GSDME: variants seen among roughly 807,000 people sequenced by gnomAD.
GSDME encodes gasdermin E.
GSDME carries 44 observed loss-of-function variants against 47.5 expected under a neutral mutation model. That is an observed-to-expected ratio of 0.93 (90% CI 0.73 to 1.19). GSDME has a LOEUF of 1.19. Among genes scored for constraint, GSDME ranks in the 50% most tolerant of loss-of-function variants. GSDME has a pLI of 0.00. For synonymous variants in GSDME, 258 were observed against 252.8 expected (o/e 1.02, Z -0.20); for missense variants, 663 against 604.2 (o/e 1.10, Z -1.02).
At chr7:24,707,161 TCTAA>T in intron 7 of GSDME, 1 of 372,010 alleles carries the variant, frequency 2.7e-6, no homozygotes, top group South Asian at 2.1e-5. Flanking sequence ...TTCGGCACAA[TCTAA>T]TTTCAAGAGA....
the GSDME span, among the ~76,000 whole-genome samples, chr7:24,767,289 A>T: frequency 6.6e-6 from 1 of 152,152 alleles, no homozygotes; most frequent in Non-Finnish European, 1.5e-5. This position sits in a 1 kb window ranked among gnomAD's most constrained non-coding sequence, Gnocchi z 5.3. Context: ...GCACCACTGC[A>T]CTCCGGCCTG....
At position 24,716,841 on chromosome 7, in the gene GSDME, T is replaced by C. The variant is rs1424248955; in HGVS notation, c.697+413A>G. 2 of 284,648 alleles carry C rather than the reference T, an allele frequency of 7.0e-6. No homozygotes were observed. The highest frequency in any genetic ancestry group is 2.2e-5 in the African/African-American group (1 of 46,312). 17.6% of individuals were successfully genotyped at this position (284,648 alleles called of 1,614,324 possible). ...ATCTTCACACAGCCCTGTGAAGAAATGCCCTTCACCTTCCAGAGACAGGGA... is the reference window on the plus strand; with the variant it reads ...ATCTTCACACAGCCCTGTGAAGAAACGCCCTTCACCTTCCAGAGACAGGGA... On this transcript the variant is annotated intron_variant, in intron 5 of 9. Transcript: ENST00000645220. The surrounding 1 kb of genome is among the most constrained non-coding windows in gnomAD (Gnocchi z 4.5).
the GSDME span, among the ~76,000 whole-genome samples, chr7:24,779,842 C>T: frequency 7.2e-5 from 11 of 152,318 alleles, no homozygotes; most frequent in African/African-American, 2.6e-4. The surrounding 1 kb of genome is among the most constrained non-coding windows in gnomAD (Gnocchi z 6.0). Context: ...AAAGGAGATG[C>T]TTCTCTCTTC....
rs1200727986 is a variant in GSDME at position 24,705,566 on chromosome 7, G to C, written c.1183+618C>G. ...TTCCTCGTGACAGGCACTGTGGCAT[G>C]GCGAGTTCCGGATGGGAGGGGTACA... On this transcript the variant is annotated intron_variant, in intron 8 of 9. Transcript: ENST00000645220. This position sits in a 1 kb window ranked among gnomAD's most constrained non-coding sequence, Gnocchi z 4.1. 1 of 159,126 alleles carries C rather than the reference G, an allele frequency of 6.3e-6. No individual in the cohort carries two copies. Among genetic ancestry groups the C allele is most frequent in the Non-Finnish European group, 1.4e-5 (1 of 72,102 alleles). 9.9% of individuals were successfully genotyped at this position (159,126 alleles called of 1,614,324 possible).
At chr7:24,761,591 G>A (rs1791166717), upstream of GSDME, among the ~76,000 whole-genome samples, 1 of 152,156 alleles carries the variant, frequency 6.6e-6, no homozygotes, top group South Asian at 2.1e-4. The surrounding 1 kb of genome is among the most constrained non-coding windows in gnomAD (Gnocchi z 4.4). Context: ...TCAACATATG[G>A]CTTTGGGGGA....
rs1192144583 is a variant in GSDME at position 24,732,073 on chromosome 7, G to A, written c.404+12489C>T. On this transcript the variant is annotated intron_variant, in intron 3 of 9. Coordinates refer to ENST00000645220, the MANE Select transcript of GSDME (RefSeq NM_001127453.2). This position sits in a 1 kb window ranked among gnomAD's most constrained non-coding sequence, Gnocchi z 4.8. Reference sequence around the variant, plus strand: ...TGACCAGTTACACCTGCCCTGGAAGGAGAAACACAGCAAAAAGAGAATCAG... The same window carrying A: ...TGACCAGTTACACCTGCCCTGGAAGAAGAAACACAGCAAAAAGAGAATCAG... Among the ~76,000 whole-genome samples, 1 of 152,176 alleles carries A rather than the reference G, an allele frequency of 6.6e-6. No homozygotes were observed. The highest frequency in any genetic ancestry group is 6.5e-5 in the Admixed American group (1 of 15,278).
chr7:24,713,070 A>G (rs1377129152), intron 5 of GSDME, among the ~76,000 whole-genome samples: 1 of 152,090 alleles, frequency 6.6e-6, no homozygotes, highest in Non-Finnish European at 1.5e-5. Context: ...GCAGTTTTAC[A>G]TGACATGGAA....
At chr7:24,727,467 A>C (rs1460050357) in intron 3 of GSDME, among the ~76,000 whole-genome samples, 1 of 152,080 alleles carries the variant, frequency 6.6e-6, no homozygotes, top group Non-Finnish European at 1.5e-5. Context: ...AATATTAAGC[A>C]AGAATTACTA....
chr7:24,716,423 ATATAAC>A lies in GSDME; in HGVS notation c.697+825_697+830del, dbSNP rs1281364177. Reference sequence around the variant, plus strand: ...AAGATAGGATGACTCATTTTTATAAATATAACTATAATACCATTGTCACACCTAAAA... The same window carrying A: ...AAGATAGGATGACTCATTTTTATAAATATAATACCATTGTCACACCTAAAA... On this transcript the variant is annotated intron_variant, in intron 5 of 9. Coordinates refer to ENST00000645220, the MANE Select transcript of GSDME (RefSeq NM_001127453.2). This position sits in a 1 kb window ranked among gnomAD's most constrained non-coding sequence, Gnocchi z 4.5. 2 of 152,252 alleles carry A rather than the reference ATATAAC, an allele frequency of 1.3e-5. No individual in the cohort carries two copies. Among genetic ancestry groups the A allele is most frequent in the Admixed American group, 6.5e-5 (1 of 15,282 alleles). The allele number at this position is 152,252 out of a possible 1,614,324, so 9.4% of individuals were successfully genotyped here.
chr7:24,754,042 A>T lies in GSDME; in HGVS notation c.-20+3354T>A, dbSNP rs1417791180. 6.6e-6 allele frequency among the ~76,000 whole-genome samples: 1 copy of T among 152,242 alleles called. No homozygotes were observed. Among genetic ancestry groups the T allele is most frequent in the African/African-American group, 2.4e-5 (1 of 41,462 alleles). On this transcript the variant is annotated intron_variant, in intron 1 of 9. Transcript: ENST00000645220. This position sits in a 1 kb window ranked among gnomAD's most constrained non-coding sequence, Gnocchi z 5.0. Reference sequence around the variant, plus strand: ...CACAGTCATGTCTCAGCCAAAAGTCAGACTCTGGATTAACATTTTCACAAT... The same window carrying T: ...CACAGTCATGTCTCAGCCAAAAGTCTGACTCTGGATTAACATTTTCACAAT...
intron 2 of GSDME, among the ~76,000 whole-genome samples, chr7:24,747,100 A>G (rs1161792074): frequency 6.6e-6 from 1 of 152,250 alleles, no homozygotes; most frequent in Non-Finnish European, 1.5e-5. Context: ...ACACCACAAA[A>G]GAGGCATTTC....
At chr7:24,793,522 C>A in the GSDME span, among the ~76,000 whole-genome samples, 1 of 152,192 alleles carries the variant, frequency 6.6e-6, no homozygotes, top group African/African-American at 2.4e-5. Flanking sequence ...TTCTTACACA[C>A]TTTGCATATA....
chr7:24,729,608 T>G (rs1400499127), intron 3 of GSDME, among the ~76,000 whole-genome samples: 1 of 152,230 alleles, frequency 6.6e-6, no homozygotes, highest in African/African-American at 2.4e-5. Context: ...TGAGTCTGTG[T>G]GTGTCCTTCA....
rs998186039 is a variant in GSDME at position 24,728,716 on chromosome 7, G to A, written c.405-9498C>T. On this transcript the variant is annotated intron_variant, in intron 3 of 9. Coordinates refer to ENST00000645220, the MANE Select transcript of GSDME (RefSeq NM_001127453.2). The surrounding 1 kb of genome is among the most constrained non-coding windows in gnomAD (Gnocchi z 7.2). ...AAAGCAGCCGCCCACTGTCTCCCCC[G>A]CAGGTACTAGCAGTCCCCATTTCAA... 6.6e-5 allele frequency among the ~76,000 whole-genome samples: 10 copies of A among 152,126 alleles called. No homozygotes were observed. Among genetic ancestry groups the A allele is most frequent in the Admixed American group, 5.2e-4 (8 of 15,264 alleles).
rs554100319 is a variant in GSDME at position 24,713,453 on chromosome 7, C to A, written c.698-3065G>T. Among the ~76,000 whole-genome samples, 4 of 152,344 alleles carry A rather than the reference C, an allele frequency of 2.6e-5. No individual in the cohort carries two copies. The South Asian group carries it at 8.3e-4, about 32-fold the overall frequency. On this transcript the variant is annotated intron_variant, in intron 5 of 9. Coordinates refer to ENST00000645220, the MANE Select transcript of GSDME (RefSeq NM_001127453.2). ...TTCACTTTAAAATATCTTAGGACTG[C>A]ATGTCCTGAACCCCGTCACAGGGAA...
the GSDME span, among the ~76,000 whole-genome samples, chr7:24,788,112 A>G: frequency 3.9e-5 from 6 of 152,334 alleles, no homozygotes; most frequent in African/African-American, 1.4e-4. This position sits in a 1 kb window ranked among gnomAD's most constrained non-coding sequence, Gnocchi z 4.6. Context: ...ATGCGTATCT[A>G]CTTACTGAAA....
chr7:24,709,812 G>A (rs1374126629), intron 6 of GSDME, among the ~76,000 whole-genome samples: 3 of 152,156 alleles, frequency 2.0e-5, no homozygotes, highest in Non-Finnish European at 2.9e-5. Flanking sequence ...GGCTGACAAA[G>A]CATTGCTTGT....
intron 3 of GSDME, among the ~76,000 whole-genome samples, chr7:24,722,275 AAGAC>A (rs369409598): frequency 2.4e-4 from 36 of 152,252 alleles, no homozygotes; most frequent in African/African-American, 7.7e-4. Flanking sequence ...CCACGTGTGA[AAGAC>A]AGAAGACACG....
At chr7:24,711,567 T>C (rs1789354096) in intron 5 of GSDME, among the ~76,000 whole-genome samples, 1 of 152,074 alleles carries the variant, frequency 6.6e-6, no homozygotes, top group African/African-American at 2.4e-5. Flanking sequence ...ACACCTGTAA[T>C]GCCAACACTT....
Sources: allele counts gnomAD v4.1 joint callset (sites outside exome capture counted in the v4.1 genomes callset), GRCh38; gene constraint gnomAD v4.1.1; non-coding constraint Gnocchi (gnomAD v3.1); transcripts MANE v1.5; gene names NCBI Gene and HGNC (gene_info 2026-07-23, HGNC 2026-07-21).